WIF1: variants seen among roughly 807,000 people sequenced by gnomAD.
WIF1 encodes Wnt inhibitory factor 1.
Under a neutral mutation model 53.5 loss-of-function variants are expected in WIF1, and 35 were observed. The ratio of observed to expected loss-of-function variants is 0.65; its 90% confidence interval spans 0.50 to 0.87. The LOEUF (loss-of-function observed/expected upper bound fraction) is 0.87. Ranked by LOEUF, WIF1 falls within the 40% of genes least tolerant of loss-of-function variation. The pLI is 0.00. For synonymous variants in WIF1, 171 were observed against 170.4 expected (o/e 1.00, Z -0.03); for missense variants, 467 against 476.8 (o/e 0.98, Z 0.19).
At chr12:65,074,835 A>AAAG (rs1882835770) in intron 3 of WIF1, among the ~76,000 whole-genome samples, 1 of 140,950 alleles carries the variant, frequency 7.1e-6, no homozygotes, top group Non-Finnish European at 1.6e-5. Flanking sequence ...AAAAAAAAAA[A>AAAG]AAAGAAAAGA....
chr12:65,067,677 A>G lies in WIF1; in HGVS notation c.634+18T>C, dbSNP rs12298938. On this transcript the variant is annotated intron_variant, in intron 5 of 9. Coordinates refer to ENST00000286574, the MANE Select transcript of WIF1 (RefSeq NM_007191.5). ...GTTCATTAGGAAGGGAGCAAGGGAA[A>G]TCGGCTCCATGTCTTACCTTTCTCA... 0.022 allele frequency: 34,619 copies of G among 1,608,848 alleles called. 1,898 individuals are homozygous for G. Among genetic ancestry groups the G allele is most frequent in the African/African-American group, 0.2 (15,227 of 74,818 alleles).
At chr12:65,087,781 A>G (rs1000702882) in intron 2 of WIF1, among the ~76,000 whole-genome samples, 1 of 152,124 alleles carries the variant, frequency 6.6e-6, no homozygotes, top group African/African-American at 2.4e-5. Context: ...ATTACAAGGT[A>G]TCTTCTAATG....
intron 3 of WIF1, among the ~76,000 whole-genome samples, chr12:65,069,172 TGTA>T (rs1199369717): frequency 2.0e-5 from 3 of 152,184 alleles, no homozygotes; most frequent in Admixed American, 2.0e-4. Context: ...AGTCTGGACT[TGTA>T]CTATCTTAAA....
At chr12:65,119,830 A>T (rs1433150394) in intron 2 of WIF1, among the ~76,000 whole-genome samples, 1 of 152,238 alleles carries the variant, frequency 6.6e-6, no homozygotes, top group Non-Finnish European at 1.5e-5. Flanking sequence ...TAAAAAATAG[A>T]TTCCAGTTTT....
At chr12:65,120,990 G>A (rs928014089) in intron 1 of WIF1, 54 bp downstream of exon 1, 6 of 1,383,642 alleles carry the variant, frequency 4.3e-6, no homozygotes, top group East Asian at 2.8e-5. Flanking sequence ...CTTTCTTGAA[G>A]AGTGGAGAGA....
At chr12:65,096,339 G>A (rs1007262851) in intron 2 of WIF1, among the ~76,000 whole-genome samples, 3 of 152,132 alleles carry the variant, frequency 2.0e-5, no homozygotes, top group Non-Finnish European at 2.9e-5. Context: ...CAGTTAGAAT[G>A]GCAGTCATTA....
intron 2 of WIF1, among the ~76,000 whole-genome samples, chr12:65,115,517 A>G (rs1012219878): frequency 6.6e-6 from 1 of 152,240 alleles, no homozygotes; most frequent in Admixed American, 6.5e-5. Context: ...CCTTATTTAG[A>G]AAACTAAAAT....
At chr12:65,087,149 C>T (rs940037173) in intron 2 of WIF1, among the ~76,000 whole-genome samples, 6 of 151,976 alleles carry the variant, frequency 3.9e-5, no homozygotes, top group Admixed American at 6.6e-5. Flanking sequence ...GACTCCATCG[C>T]GGGGGAAAAA....
At chr12:65,095,780 T>A (rs1023424570) in intron 2 of WIF1, 1 of 152,136 alleles carries the variant, frequency 6.6e-6, no homozygotes, top group African/African-American at 2.4e-5. Flanking sequence ...ATACTAAAAT[T>A]GAAACGATAC....
At chr12:65,103,659 T>C (rs1249251904) in intron 2 of WIF1, among the ~76,000 whole-genome samples, 1 of 152,214 alleles carries the variant, frequency 6.6e-6, no homozygotes, top group Non-Finnish European at 1.5e-5. Context: ...ACTGCATTTT[T>C]AAAAATTGAT....
chr12:65,055,853 T>A (rs1415641210), intron 8 of WIF1, among the ~76,000 whole-genome samples, 178 bp downstream of exon 8: 1 of 152,254 alleles, frequency 6.6e-6, no homozygotes, highest in Non-Finnish European at 1.5e-5. Flanking sequence ...TCCATTTTTT[T>A]ACATGCACAG....
chr12:65,062,247 C>T (rs1377443175), intron 7 of WIF1, among the ~76,000 whole-genome samples: 5 of 152,058 alleles, frequency 3.3e-5, no homozygotes, highest in Non-Finnish European at 4.4e-5. Context: ...CAGACATAAC[C>T]GAGTCAGAGA....
At chr12:65,114,724 A>G (rs1006052720) in intron 2 of WIF1, among the ~76,000 whole-genome samples, 1 of 152,212 alleles carries the variant, frequency 6.6e-6, no homozygotes, top group African/African-American at 2.4e-5. Flanking sequence ...ACATAAAAAC[A>G]AACACATTCC....
chr12:65,091,061 A>G (rs1362965552), intron 2 of WIF1, among the ~76,000 whole-genome samples: 1 of 152,174 alleles, frequency 6.6e-6, no homozygotes, highest in African/African-American at 2.4e-5. Context: ...AAGTTAGCAC[A>G]TATAGGCAAA....
intron 2 of WIF1, among the ~76,000 whole-genome samples, chr12:65,091,306 A>G (rs963377628): frequency 2.7e-5 from 4 of 148,472 alleles, no homozygotes; most frequent in African/African-American, 9.8e-5. Flanking sequence ...ATTATGCAAG[A>G]CAAGTATTTT....
intron 2 of WIF1, among the ~76,000 whole-genome samples, chr12:65,091,920 A>G (rs754629166): frequency 6.6e-5 from 10 of 152,178 alleles, no homozygotes; most frequent in Non-Finnish European, 1.3e-4. Context: ...CAAAAGAAGT[A>G]AAAACTCTTG....
intron 9 of WIF1, among the ~76,000 whole-genome samples, chr12:65,054,866 T>C (rs949802388): frequency 6.6e-6 from 1 of 152,220 alleles, no homozygotes; most frequent in African/African-American, 2.4e-5. Context: ...ATGTGATCTT[T>C]TACAAAGATG....
intron 2 of WIF1, among the ~76,000 whole-genome samples, chr12:65,080,639 T>A (rs1038829680): frequency 6.6e-6 from 1 of 152,230 alleles, no homozygotes; most frequent in Non-Finnish European, 1.5e-5. Flanking sequence ...GATTTAGTGA[T>A]AGATGCCCTT....
At chr12:65,072,550 T>C (rs1414785010) in intron 3 of WIF1, among the ~76,000 whole-genome samples, 1 of 152,204 alleles carries the variant, frequency 6.6e-6, no homozygotes, top group African/African-American at 2.4e-5. Flanking sequence ...ATGTGATATA[T>C]GTTATGGTAG....
Sources: allele counts gnomAD v4.1 joint callset (sites outside exome capture counted in the v4.1 genomes callset), GRCh38; gene constraint gnomAD v4.1.1; transcripts MANE v1.5; gene names NCBI Gene and HGNC (gene_info 2026-07-23, HGNC 2026-07-21).